Variants in CXorf65 observed in about 807,000 individuals in gnomAD.
CXorf65 encodes the protein chromosome X open reading frame 65, also known as uncharacterized protein CXorf65.
For missense variants in CXorf65, 137 were observed against 144.7 expected, an observed-to-expected ratio of 0.95 and a Z score of 0.27; for synonymous variants, 54 against 51.4, an observed-to-expected ratio of 1.05 and a Z score of -0.21.
intron 3 of CXorf65, 149 bp downstream of exon 3, chrX:71,105,851 A>G (rs2092246900): frequency 3.3e-6 from 2 of 599,418 alleles, no homozygotes; most frequent in Non-Finnish European, 5.0e-6. Flanking sequence ...CCTGCCCTCT[A>G]TCGATTCTCC....
At position 71,104,786 on chromosome X, in the gene CXorf65, G is replaced by C. The variant is rs1207399433; in HGVS notation, c.302C>G (p.Pro101Arg). Residue 101 changes from proline to arginine, a missense_variant, in exon 4 of 6, where the codon CCG becomes CGG. Transcript: ENST00000374251. ...YRAFVPLLKN[P>R]EPWLLVALRI... The stretch of plus-strand genomic sequence containing the variant: ...CTTCTTACCAAGCAGCCAAGGCTCC[G>C]GATTCTTGAGGAGAGGCACAAAAGC... The C allele has an allele frequency of 3.3e-6, 4 of 1,208,149 alleles. No homozygotes were observed. The South Asian group carries it at 7.0e-5, about 21-fold the overall frequency.
At position 71,104,732 on chromosome X, in the gene CXorf65, C is replaced by T; in HGVS notation, c.319+37G>A. ...CTCCATCACACAGCTATATACTGTA[C>T]CCTTCATGTTCTTCCCTCCCCCATC... On this transcript the variant is annotated intron_variant, in intron 4 of 5. Coordinates refer to ENST00000374251, the MANE Select transcript of CXorf65 (RefSeq NM_001025265.3). The T allele has an allele frequency of 5.3e-6, 6 of 1,132,672 alleles. No homozygotes were observed. The South Asian group carries it at 1.1e-4, about 21-fold the overall frequency. The allele number at this position is 1,132,672 out of a possible 1,213,427, so 93.3% of individuals were successfully genotyped here. A position where few individuals can be genotyped will look rare whatever the true frequency, so the allele number is the denominator to read the frequency against.
chrX:71,106,170 T>A, intron 2 of CXorf65, 33 bp from the exon 3 acceptor site: 4 of 1,202,103 alleles, frequency 3.3e-6, no homozygotes, highest in Non-Finnish European at 4.5e-6. Context: ...TTGGGGCAGC[T>A]AAGGAAAGAG....
chrX:71,104,386 C>A lies in CXorf65; in HGVS notation c.338G>T (p.Cys113Phe). The stretch of plus-strand genomic sequence containing the variant: ...AATTCGTCTCCTCTCCAGGGCATCA[C>A]ATTGTATGCGCAGTGCAACTAAGAA... Reference protein sequence around the residue: ...PWLLVALRIQCDALERRRIQM... With the variant: ...PWLLVALRIQFDALERRRIQM... The change falls in exon 5 of 6, where the codon TGT becomes TTT. Residue 113 changes from cysteine to phenylalanine, a missense_variant. Transcript: ENST00000374251. The A allele has an allele frequency of 1.7e-6, 2 of 1,197,964 alleles. No individual in the cohort carries two copies. The highest frequency in any genetic ancestry group is 2.3e-4 in the Middle Eastern group (1 of 4,311).
chrX:71,106,107 T>C lies in CXorf65; in HGVS notation c.143A>G (p.Lys48Arg). The C allele has an allele frequency of 8.3e-7, 1 of 1,211,294 alleles. No homozygotes were observed. Among genetic ancestry groups the C allele is most frequent in the Non-Finnish European group, 1.1e-6 (1 of 895,184 alleles). Reference sequence around the variant, plus strand: ...CTTCATCAGGAAAAGCATCTTCATTTTCCCCGTTTGTTCACACAAATCGAT... The same window carrying C: ...CTTCATCAGGAAAAGCATCTTCATTCTCCCCGTTTGTTCACACAAATCGAT... Reference protein sequence around the residue: ...NTIDLCEQTGKMKMLFLMKPN... With the variant: ...NTIDLCEQTGRMKMLFLMKPN... The change falls in exon 3 of 6, where the codon AAA (lysine) becomes AGA (arginine). Residue 48 changes from lysine (K) to arginine (R), a missense_variant. Transcript: ENST00000374251.
rs36081226 is a variant in CXorf65 at position 71,105,567 on chromosome X, C to CAAA, written c.250+430_250+432dup. Reference sequence around the variant, plus strand: ...GGACAACAAGAGCGAAACTCTGTCCCAAAAAAAAAAAAAAAAAAACCTACC... The same window carrying CAAA: ...GGACAACAAGAGCGAAACTCTGTCCCAAAAAAAAAAAAAAAAAAAAAACCTACC... On this transcript the variant is annotated intron_variant, in intron 3 of 5. Transcript: ENST00000374251. Among the ~76,000 whole-genome samples, 518 of 74,939 alleles carry CAAA rather than the reference C, an allele frequency of 6.9e-3. 5 individuals are homozygous for CAAA. Among genetic ancestry groups the CAAA allele is most frequent in the African/African-American group, 0.024 (492 of 20,669 alleles). The allele number at this position is 74,939 out of a possible 115,157, so 65.1% of individuals were successfully genotyped here. A position where few individuals can be genotyped will look rare whatever the true frequency, so the allele number is the denominator to read the frequency against.
Position 71,106,016 on chromosome X carries a change from C to T in CXorf65, c.234G>A (p.Val78=), listed in dbSNP as rs752887711. 1.2e-5 allele frequency: 14 copies of T among 1,209,278 alleles called. 1 individual carries two copies. In the East Asian group the frequency reaches 4.1e-4, roughly 36 times the overall value. Residue 78 remains valine, a synonymous_variant, in exon 3 of 6, where the codon GTG becomes GTA. Coordinates refer to ENST00000374251, the MANE Select transcript of CXorf65 (RefSeq NM_001025265.3). ...TARSTYYVCK[V]ERGPPGTRLE... is the part of the protein sequence containing the mutation. ...AGCCTCTACCTGGTGGCCCACGTTC[C>T]ACCTTACAAACGTAGTAGGTGCTTC...
intron 1 of CXorf65, 47 bp from the exon 2 acceptor site, chrX:71,106,473 C>T: frequency 8.4e-7 from 1 of 1,196,665 alleles, no homozygotes; most frequent in Non-Finnish European, 1.1e-6. Flanking sequence ...CTGTGATCTC[C>T]ACTGCCCTCA....
rs1247558081 is a variant in CXorf65 at position 71,104,121 on chromosome X, AG to A, written c.427-10del. 2 of 1,206,069 alleles carry A rather than the reference AG, an allele frequency of 1.7e-6. No individual in the cohort carries two copies. Among genetic ancestry groups the A allele is most frequent in the East Asian group, 5.9e-5 (2 of 33,669 alleles). On this transcript the variant is annotated splice_polypyrimidine_tract_variant and intron_variant, in intron 5 of 5. Transcript: ENST00000374251. ...CGTCCTGATTGCTTGGACTAGAAAA[AG>A]AAAGTAAGTAAACAAAGAGGCCCCT...
chrX:71,106,574 A>C lies in CXorf65; in HGVS notation c.-18T>G. ...ATGAACATGCCCTCAAGATCGCCTC[A>C]CTCTTCACAAAGTGCCCTGATGAGT... On this transcript the variant is annotated 5_prime_UTR_variant, in exon 1 of 6. Transcript: ENST00000374251. 1 of 1,210,145 alleles carries C rather than the reference A, an allele frequency of 8.3e-7. No individual in the cohort carries two copies. Among genetic ancestry groups the C allele is most frequent in the Non-Finnish European group, 1.1e-6 (1 of 895,278 alleles).
At position 71,104,273 on chromosome X, in the gene CXorf65, G is replaced by T. The variant is rs750391830; in HGVS notation, c.426+25C>A. 6 of 1,139,520 alleles carry T rather than the reference G, an allele frequency of 5.3e-6. No homozygotes were observed. In the Admixed American group the frequency reaches 1.3e-4, roughly 25 times the overall value. The allele number at this position is 1,139,520 out of a possible 1,213,427, so 93.9% of individuals were successfully genotyped here. A position where few individuals can be genotyped will look rare whatever the true frequency, so the allele number is the denominator to read the frequency against. On this transcript the variant is annotated intron_variant, in intron 5 of 5. Coordinates refer to ENST00000374251, the MANE Select transcript of CXorf65 (RefSeq NM_001025265.3). ...CTGGTAGGGAGAGGGGGGTGCTGGG[G>T]CAGATCACATTTGGCAAGTCTTACC...
chrX:71,103,908 C>G lies in CXorf65; in HGVS notation c.*79G>C. 9.2e-7 allele frequency: 1 copy of G among 1,083,613 alleles called. No homozygotes were observed. Among genetic ancestry groups the G allele is most frequent in the Non-Finnish European group, 1.3e-6 (1 of 783,249 alleles). 89.3% of individuals were successfully genotyped at this position (1,083,613 alleles called of 1,213,427 possible). A position where few individuals can be genotyped will look rare whatever the true frequency, so the allele number is the denominator to read the frequency against. ...GTGCCTGGGGCGTATGTACTCAAGC[C>G]TTAGTGCAGATATTGGGAGAAGGAG... is the stretch of plus-strand genomic sequence containing the variant. On this transcript the variant is annotated 3_prime_UTR_variant, in exon 6 of 6. Transcript: ENST00000374251.
At position 71,106,064 on chromosome X, in the gene CXorf65, A is replaced by G. The variant is rs1367616820; in HGVS notation, c.186T>C (p.Tyr62=). 2 of 1,211,006 alleles carry G rather than the reference A, an allele frequency of 1.7e-6. No homozygotes were observed. Among genetic ancestry groups the G allele is most frequent in the Non-Finnish European group, 1.1e-6 (1 of 894,781 alleles). ...LFLMKPNHAE[Y]ASKYLTARST... is the part of the protein sequence containing the mutation. ...TTCGAGCTGTAAGGTATTTGCTGGCATACTCTGCATGATTGGGCTTCATCA... is the reference window on the plus strand; with the variant it reads ...TTCGAGCTGTAAGGTATTTGCTGGCGTACTCTGCATGATTGGGCTTCATCA... The change falls in exon 3 of 6, where the codon TAT becomes TAC. Residue 62 remains tyrosine (Y), a synonymous_variant. Transcript: ENST00000374251.
rs974467281 is a variant in CXorf65, at chrX:71,106,650, T to C, written c.-94A>G. The C allele has an allele frequency of 1.5e-5, 18 of 1,189,816 alleles. No homozygotes were observed. In the African/African-American group the frequency reaches 2.7e-4, roughly 18 times the overall value. On this transcript the variant is annotated 5_prime_UTR_variant, in exon 1 of 6. Transcript: ENST00000374251. ...GCCTTGTGTGGGGCAAATAGGCCTA[T>C]AGGGTTGGTGGACTAGAGAGGCAGA...
At chrX:71,106,495 C>T in intron 1 of CXorf65, 37 bp downstream of exon 1, 1 of 1,205,403 alleles carries the variant, frequency 8.3e-7, no homozygotes, top group Non-Finnish European at 1.1e-6. Flanking sequence ...ATCCCTCCAC[C>T]CCCATCCACA....
chrX:71,106,292 C>A, intron 2 of CXorf65, 48 bp downstream of exon 2: 1 of 1,126,369 alleles, frequency 8.9e-7, no homozygotes, highest in South Asian at 1.8e-5. Context: ...AGAGATGACC[C>A]AACTCCTTCT....
At chrX:71,105,558 ACT>A (rs1470916605) in intron 3 of CXorf65, among the ~76,000 whole-genome samples, 14 of 77,626 alleles carry the variant, frequency 1.8e-4, no homozygotes, top group African/African-American at 7.7e-4. Flanking sequence ...CAAGAGCGAA[ACT>A]CTGTCCCAAA....
chrX:71,103,984 G>A lies in CXorf65; in HGVS notation c.*3C>T, dbSNP rs374497742. The A allele has an allele frequency of 1.7e-6, 2 of 1,207,351 alleles. No individual in the cohort carries two copies. The highest frequency in any genetic ancestry group is 3.0e-5 in the East Asian group (1 of 33,774). ...TTAAATTCCAGTAATTTCACACCTAGTATTACTTCTTTTGCTTGGTGGTTT... is the reference window on the plus strand; with the variant it reads ...TTAAATTCCAGTAATTTCACACCTAATATTACTTCTTTTGCTTGGTGGTTT... On this transcript the variant is annotated 3_prime_UTR_variant, in exon 6 of 6. Coordinates refer to ENST00000374251, the MANE Select transcript of CXorf65 (RefSeq NM_001025265.3).
In CXorf65 at chrX:71,104,420, A is replaced by T; in HGVS notation, c.320-16T>A. The T allele has an allele frequency of 9.4e-7, 1 of 1,068,607 alleles. No individual in the cohort carries two copies. Among genetic ancestry groups the T allele is most frequent in the Non-Finnish European group, 1.3e-6 (1 of 779,038 alleles). The allele number at this position is 1,068,607 out of a possible 1,213,427, so 88.1% of individuals were successfully genotyped here. A position where few individuals can be genotyped will look rare whatever the true frequency, so the allele number is the denominator to read the frequency against. On this transcript the variant is annotated splice_polypyrimidine_tract_variant and intron_variant, in intron 4 of 5. Coordinates refer to ENST00000374251, the MANE Select transcript of CXorf65 (RefSeq NM_001025265.3). ...CGCAGTGCAACTAAGAACAAGGAAA[A>T]GGCACCTGCACCTCTGAGAACTAGA... is the stretch of plus-strand genomic sequence containing the variant.
Sources: gnomAD v4.1 joint callset for allele counts (sites outside exome capture counted in the v4.1 genomes callset) on GRCh38, gnomAD v4.1.1 for gene constraint, MANE v1.5 for transcripts, NCBI Gene and HGNC (gene_info 2026-07-23, HGNC 2026-07-21) for gene names.